Variants in MAF observed in about 807,000 individuals in gnomAD.
MAF encodes MAF bZIP transcription factor.
Under a neutral mutation model 22.0 loss-of-function variants are expected in MAF, and 10 were observed. That is an observed-to-expected ratio of 0.45 (90% CI 0.28 to 0.77). The LOEUF (loss-of-function observed/expected upper bound fraction) is 0.77. Ranked by LOEUF, MAF falls within the 30% of genes least tolerant of loss-of-function variation. The pLI is 0.12. For missense variants in MAF, 544 were observed against 548.4 expected, an observed-to-expected ratio of 0.99 and a Z score of 0.08; for synonymous variants, 337 against 255.8, an observed-to-expected ratio of 1.32 and a Z score of -3.03.
chr16:79,462,550 T>A, the MAF span, among the ~76,000 whole-genome samples: 1 of 152,214 alleles, frequency 6.6e-6, no homozygotes. Context: ...TTCACACACA[T>A]ATATGCACAT....
chr16:79,212,586 G>GTTCTC, the MAF span: 1 of 161,338 alleles, frequency 6.2e-6, no homozygotes. Context: ...CACAGTCTCA[G>GTTCTC]TTCTCTTGCT....
chr16:79,563,713 G>T, the MAF span, among the ~76,000 whole-genome samples: 1 of 151,526 alleles, frequency 6.6e-6, no homozygotes, highest in Non-Finnish European at 1.5e-5. Context: ...GACAGCTATA[G>T]ATGTCTTAAT....
the MAF span, among the ~76,000 whole-genome samples, chr16:79,519,456 T>C: frequency 1.3e-5 from 2 of 152,318 alleles, no homozygotes; most frequent in East Asian, 3.9e-4. Context: ...AGAACACGTT[T>C]CCAGGGAGAG....
chr16:79,441,281 GA>G, the MAF span, among the ~76,000 whole-genome samples: 2 of 152,180 alleles, frequency 1.3e-5, no homozygotes, highest in African/African-American at 4.8e-5. Flanking sequence ...CCTATGCTGG[GA>G]AGGCAAAGGA....
chr16:79,414,501 C>G, the MAF span, among the ~76,000 whole-genome samples: 1 of 152,194 alleles, frequency 6.6e-6, no homozygotes, highest in African/African-American at 2.4e-5. Flanking sequence ...CATGAGGGAT[C>G]TGCCTCCAGG....
the MAF span, among the ~76,000 whole-genome samples, chr16:79,494,227 G>A: frequency 2.0e-5 from 3 of 152,178 alleles, no homozygotes; most frequent in African/African-American, 7.2e-5. Flanking sequence ...CTCACCTAAT[G>A]AAAGCCAGGG....
chr16:79,393,983 G>T, the MAF span, among the ~76,000 whole-genome samples: 3 of 152,150 alleles, frequency 2.0e-5, no homozygotes, highest in Admixed American at 6.5e-5. Flanking sequence ...CTCATTTTAC[G>T]CTCCCCAAAC....
chr16:79,212,067 G>A, the MAF span: 2 of 1,536,378 alleles, frequency 1.3e-6, no homozygotes, highest in Non-Finnish European at 1.7e-6. Flanking sequence ...TGCTTGGTGT[G>A]TAGGTTCCGT....
the MAF span, among the ~76,000 whole-genome samples, chr16:79,385,871 C>T: frequency 3.3e-5 from 5 of 152,248 alleles, no homozygotes; most frequent in Non-Finnish European, 5.9e-5. Flanking sequence ...AGTGCCACTG[C>T]ACTCCCACCT....
the MAF span, among the ~76,000 whole-genome samples, chr16:79,343,136 C>T: frequency 2.6e-4 from 39 of 152,300 alleles, no homozygotes; most frequent in South Asian, 6.2e-4. Flanking sequence ...GAGGCATTCA[C>T]GTCCCTTCGG....
the MAF span, among the ~76,000 whole-genome samples, chr16:79,214,968 C>G: frequency 1.6e-4 from 25 of 152,028 alleles, no homozygotes; most frequent in Middle Eastern, 3.4e-3. Context: ...CCTCAGCCCC[C>G]CAAAGTGCTG....
At chr16:79,432,737 G>A in the MAF span, among the ~76,000 whole-genome samples, 4 of 152,054 alleles carry the variant, frequency 2.6e-5, no homozygotes, top group African/African-American at 9.7e-5. Context: ...TGAAAATTTG[G>A]ACATACACAC....
the MAF span, chr16:79,229,534 C>T: frequency 2.0e-5 from 3 of 152,112 alleles, no homozygotes; most frequent in African/African-American, 7.2e-5. Context: ...ACATTATGAA[C>T]AGCCCGAAGA....
chr16:79,513,505 G>T, the MAF span, among the ~76,000 whole-genome samples: 1 of 152,168 alleles, frequency 6.6e-6, no homozygotes, highest in Admixed American at 6.5e-5. Context: ...GGAAGTAACT[G>T]TGCAGTTGAA....
the MAF span, among the ~76,000 whole-genome samples, chr16:79,498,044 C>G: frequency 6.6e-6 from 1 of 152,170 alleles, no homozygotes; most frequent in Admixed American, 6.5e-5. Flanking sequence ...CTTTCCATTC[C>G]CTCCTGCCCT....
At chr16:79,260,503 C>T in the MAF span, among the ~76,000 whole-genome samples, 2 of 151,730 alleles carry the variant, frequency 1.3e-5, no homozygotes, top group Non-Finnish European at 2.9e-5. Flanking sequence ...ATATCTATAT[C>T]TATATATTTG....
At chr16:79,398,581 T>C in the MAF span, among the ~76,000 whole-genome samples, 101 of 152,234 alleles carry the variant, frequency 6.6e-4, no homozygotes, top group East Asian at 9.9e-3. Context: ...AGAAGTCTGA[T>C]GGTATCAACA....
chr16:79,251,066 T>A, the MAF span, among the ~76,000 whole-genome samples: 1 of 151,022 alleles, frequency 6.6e-6, no homozygotes, highest in Non-Finnish European at 1.5e-5. Flanking sequence ...GCAACCCTGA[T>A]GATATTAGAT....
At chr16:79,272,891 C>G in the MAF span, among the ~76,000 whole-genome samples, 1 of 152,164 alleles carries the variant, frequency 6.6e-6, no homozygotes, top group Admixed American at 6.5e-5. Context: ...CTTGATTGAC[C>G]CCCTTGCCAA....
Sources: gnomAD v4.1 joint callset for allele counts (sites outside exome capture counted in the v4.1 genomes callset) on GRCh38, gnomAD v4.1.1 for gene constraint, MANE v1.5 for transcripts, NCBI Gene and HGNC (gene_info 2026-07-23, HGNC 2026-07-21) for gene names.